GADL1: variants seen among roughly 807,000 people sequenced by gnomAD.
GADL1 encodes acidic amino acid decarboxylase GADL1.
A neutral mutation model predicts 69.5 loss-of-function variants in GADL1; 71 were observed. The observed-to-expected ratio is 1.02, with a 90% CI of 0.84 to 1.25. GADL1 has a LOEUF of 1.25. GADL1 is among the 50% of genes most tolerant of loss of function. GADL1 has a pLI of 0.00. For synonymous variants in GADL1, 254 were observed against 214.4 expected, an observed-to-expected ratio of 1.18 and a Z score of -1.62; for missense variants, 737 against 631.8, an observed-to-expected ratio of 1.17 and a Z score of -1.79.
intron 1 of GADL1, among the ~76,000 whole-genome samples, chr3:30,885,707 A>T (rs1698694501): frequency 1.3e-5 from 2 of 151,990 alleles, no homozygotes; most frequent in African/African-American, 4.8e-5. Context: ...AACTACTATA[A>T]ATAAGACAGC....
intron 9 of GADL1, among the ~76,000 whole-genome samples, chr3:30,838,096 C>A (rs1242311432): frequency 6.6e-6 from 1 of 152,046 alleles, no homozygotes; most frequent in Non-Finnish European, 1.5e-5. Context: ...CCCCCAAATG[C>A]TGTTTCCTTT....
At chr3:30,797,159 G>A (rs1697050061) in intron 12 of GADL1, among the ~76,000 whole-genome samples, 1 of 152,160 alleles carries the variant, frequency 6.6e-6, no homozygotes, top group African/African-American at 2.4e-5. Flanking sequence ...TCTCAAGAAT[G>A]CGCTGGCTAG....
chr3:30,812,483 C>CT (rs1697376193), intron 11 of GADL1, among the ~76,000 whole-genome samples: 1 of 152,144 alleles, frequency 6.6e-6, no homozygotes, highest in Non-Finnish European at 1.5e-5. Context: ...ACTCCCCTTT[C>CT]TAAAACCATC....
At chr3:30,810,878 C>G (rs375268599) in intron 11 of GADL1, among the ~76,000 whole-genome samples, 140 of 152,258 alleles carry the variant, frequency 9.2e-4, no homozygotes, top group African/African-American at 3.1e-3. Context: ...GTCCCTCCCC[C>G]TCCTGCTACA....
At chr3:30,788,460 G>T (rs1472405254) in intron 12 of GADL1, among the ~76,000 whole-genome samples, 3 of 152,162 alleles carry the variant, frequency 2.0e-5, no homozygotes, top group Admixed American at 6.5e-5. Flanking sequence ...TCAGTGAGTT[G>T]TAATCTTTTT....
At chr3:30,820,619 C>T (rs542605434) in intron 11 of GADL1, among the ~76,000 whole-genome samples, 26 of 152,156 alleles carry the variant, frequency 1.7e-4, no homozygotes, top group African/African-American at 6.0e-4. Context: ...ATGCAGGATC[C>T]TCTATTAGAA....
chr3:30,873,909 A>G (rs1387949758), intron 1 of GADL1, among the ~76,000 whole-genome samples: 1 of 151,836 alleles, frequency 6.6e-6, no homozygotes, highest in African/African-American at 2.4e-5. Context: ...CTTCAGATAC[A>G]GAAAACTGTA....
intron 12 of GADL1, among the ~76,000 whole-genome samples, chr3:30,792,257 AGATT>A (rs1487939021): frequency 6.6e-6 from 1 of 152,188 alleles, no homozygotes; most frequent in Non-Finnish European, 1.5e-5. Flanking sequence ...CATATCAATT[AGATT>A]GATTTTTGTC....
intron 12 of GADL1, chr3:30,797,666 TTTTG>T (rs982473724): frequency 1.8e-5 from 2 of 112,658 alleles, no homozygotes; most frequent in African/African-American, 2.8e-5. Flanking sequence ...TTTGTTTTGT[TTTTG>T]TTTTTTTTTT....
chr3:30,764,246 A>G (rs1696213878), intron 14 of GADL1, among the ~76,000 whole-genome samples: 1 of 152,132 alleles, frequency 6.6e-6, no homozygotes, highest in Non-Finnish European at 1.5e-5. Flanking sequence ...GATCCGAGTC[A>G]TTTTCCCTAC....
At chr3:30,757,990 A>G (rs1238684643) in intron 14 of GADL1, among the ~76,000 whole-genome samples, 1 of 152,170 alleles carries the variant, frequency 6.6e-6, no homozygotes, top group Non-Finnish European at 1.5e-5. Context: ...CATTAATCCA[A>G]ATTTGTTTTC....
intron 2 of GADL1, among the ~76,000 whole-genome samples, chr3:30,858,781 G>A (rs564746890): frequency 6.6e-6 from 1 of 152,108 alleles, no homozygotes; most frequent in South Asian, 2.1e-4. Flanking sequence ...TAATGTAACA[G>A]TAGTTGATGT....
intron 12 of GADL1, chr3:30,797,661 TTTGTTTTTG>T (rs1697068398): frequency 8.8e-6 from 1 of 113,370 alleles, no homozygotes; most frequent in Non-Finnish European, 2.0e-5. Context: ...TTTGTTTTGT[TTTGTTTTTG>T]TTTTTTTTTT....
chr3:30,786,321 A>G (rs762606711), intron 13 of GADL1, 34 bp downstream of exon 13: 2 of 1,410,474 alleles, frequency 1.4e-6, no homozygotes, highest in Non-Finnish European at 2.0e-6. Context: ...CTGTTAACTG[A>G]CAAAATCACA....
At chr3:30,765,072 C>A (rs945420482) in intron 14 of GADL1, among the ~76,000 whole-genome samples, 1 of 152,026 alleles carries the variant, frequency 6.6e-6, no homozygotes, top group Admixed American at 6.6e-5. Flanking sequence ...ACCAGCAGAA[C>A]CAAAACTAAA....
rs185434070 is a variant in GADL1, at chr3:30,767,203, A to G, written c.1392+10976T>C. Among the ~76,000 whole-genome samples the G allele has an allele frequency of 1.8e-4, 27 of 152,318 alleles. 1 individual carries two copies. The highest frequency in any genetic ancestry group is 5.5e-4 in the African/African-American group (23 of 41,580). ...CATGGTCATGCAGCCAGTGAGTGGC[A>G]GAGGCATTATTTACTTCAGAATCAG... On this transcript the variant is annotated intron_variant, in intron 14 of 14. Transcript: ENST00000282538.
In GADL1 at chr3:30,778,192, G is replaced by T. The variant is rs1311709436; in HGVS notation, c.1379C>A (p.Ala460Glu). ...CTTATTACTTACCAAATTAAGTTTT[G>T]CCCAGAACTCGGGTCCTTCTTCCAT... ...REMEEGPEFWAKLNLVAPAIK... is the reference protein window; with the variant it reads ...REMEEGPEFWEKLNLVAPAIK... The change falls in exon 14 of 15, where the codon GCA becomes GAA. Residue 460 changes from alanine to glutamate, a missense_variant. Physicochemically the swap from Ala to Glu is moderately radical, Grantham distance 107 (BLOSUM62 -1). Coordinates refer to ENST00000282538, the MANE Select transcript of GADL1 (RefSeq NM_207359.3). The T allele has an allele frequency of 1.9e-6, 3 of 1,600,860 alleles. No homozygotes were observed. Among genetic ancestry groups the T allele is most frequent in the East Asian group, 2.2e-5 (1 of 44,780 alleles).
intron 12 of GADL1, among the ~76,000 whole-genome samples, chr3:30,786,688 T>C (rs1696797800): frequency 6.6e-6 from 1 of 152,256 alleles, no homozygotes; most frequent in Admixed American, 6.5e-5. Flanking sequence ...GCTGGATATA[T>C]ATCTCTGAAC....
chr3:30,774,593 C>T (rs548881490), intron 14 of GADL1, among the ~76,000 whole-genome samples: 1 of 102,618 alleles, frequency 9.7e-6, no homozygotes, highest in East Asian at 2.6e-4. Context: ...CTTATCACTT[C>T]CTTATGTATT....
Sources: gnomAD v4.1 joint callset for allele counts (sites outside exome capture counted in the v4.1 genomes callset) on GRCh38, gnomAD v4.1.1 for gene constraint, MANE v1.5 for transcripts, NCBI Gene and HGNC (gene_info 2026-07-23, HGNC 2026-07-21) for gene names.